OR8B2: variants seen among roughly 807,000 people sequenced by gnomAD.
OR8B2 encodes the protein olfactory receptor 8B2.
For synonymous variants in OR8B2, 98 were observed against 138.2 expected, an observed-to-expected ratio of 0.71 and a Z score of 2.04; for missense variants, 304 against 379.6, an observed-to-expected ratio of 0.80 and a Z score of 1.65.
intron 1 of OR8B2, among the ~76,000 whole-genome samples, 158 bp from the exon 2 acceptor site, chr11:124,383,518 T>G (rs1013485127): frequency 2.0e-5 from 3 of 152,260 alleles, no homozygotes; most frequent in African/African-American, 7.2e-5. Context: ...CCTCAACATT[T>G]CAGTCAGTGT....
At chr11:124,386,404 C>T (rs1353907235), upstream of OR8B2, among the ~76,000 whole-genome samples, 1 of 102,584 alleles carries the variant, frequency 9.7e-6, no homozygotes, top group Non-Finnish European at 1.9e-5. Context: ...CTATCCCTCC[C>T]CCCTCCCCCC....
At chr11:124,396,291 TAAGAC>T in the OR8B2 span, 1 of 911,690 alleles carries the variant, frequency 1.1e-6, no homozygotes, top group Non-Finnish European at 1.6e-6. Context: ...AGAGAAATGA[TAAGAC>T]AAGTTTATTA....
In OR8B2 at chr11:124,383,164, G is replaced by A. The variant is rs201727613; in HGVS notation, c.180C>T (p.Tyr60=). The change falls in exon 2 of 2, where the codon TAC becomes TAT. Residue 60 remains tyrosine (Y), a synonymous_variant. Coordinates refer to ENST00000641451, the MANE Select transcript of OR8B2 (RefSeq NM_001005468.2). ...GLNSHLHTPM[Y]YFLFNLSFID... ...TGAAGGAGAGATTGAAGAGGAAATA[G>A]TACATTGGTGTGTGGAGGTGAGAAT... 1.9e-6 allele frequency: 3 copies of A among 1,613,936 alleles called. No homozygotes were observed. In the South Asian group the frequency reaches 3.3e-5, roughly 18 times the overall value.
In OR8B2 at chr11:124,382,458, C is replaced by A. The variant is rs1565346009; in HGVS notation, c.886G>T (p.Val296Phe). The change falls in exon 2 of 2, where the codon GTC becomes TTC. Residue 296 changes from valine (V) to phenylalanine (F), a missense_variant. Val to Phe is a conservative substitution (Grantham distance 50, BLOSUM62 -1). Coordinates refer to ENST00000641451, the MANE Select transcript of OR8B2 (RefSeq NM_001005468.2). Reference sequence around the variant, plus strand: ...AGAGCTTTCCTCAGTGCAACTTTGACATCCTTGTTCCTCAAACTGTAGATG... The same window carrying A: ...AGAGCTTTCCTCAGTGCAACTTTGAAATCCTTGTTCCTCAAACTGTAGATG... The part of the protein sequence containing the change: ...PLIYSLRNKD[V>F]KVALRKALIK... The A allele has an allele frequency of 6.2e-7, 1 of 1,613,588 alleles. No homozygotes were observed.
the OR8B2 span, among the ~76,000 whole-genome samples, chr11:124,391,912 C>G: frequency 6.9e-6 from 1 of 144,806 alleles, no homozygotes; most frequent in South Asian, 2.3e-4. Context: ...AGCTTATCCA[C>G]CATGATCAAG....
the OR8B2 span, chr11:124,396,805 G>T: frequency 1.2e-6 from 2 of 1,610,718 alleles, no homozygotes; most frequent in Non-Finnish European, 1.7e-6. Context: ...TGGAGGAGGG[G>T]GAGTATGTCA....
At position 124,382,819 on chromosome 11, in the gene OR8B2, G is replaced by T. The variant is rs1186013459; in HGVS notation, c.525C>A (p.Asn175Lys). The change falls in exon 2 of 2, where the codon AAC becomes AAA. Residue 175 changes from asparagine to lysine, a missense_variant. Physicochemically the swap from Asn to Lys is moderately conservative, Grantham distance 94 (BLOSUM62 0). Coordinates refer to ENST00000641451, the MANE Select transcript of OR8B2 (RefSeq NM_001005468.2). ...GGGGGAGTATGTCACACAAGTAATG[G>T]TTGATGATATTAGCACTGCAGAAGG... ...RLTFCSANIINHYLCDILPLL... is the reference protein window; with the variant it reads ...RLTFCSANIIKHYLCDILPLL... 11 of 1,605,078 alleles carry T rather than the reference G, an allele frequency of 6.9e-6. No individual in the cohort carries two copies. Among genetic ancestry groups the T allele is most frequent in the Non-Finnish European group, 9.4e-6 (11 of 1,172,870 alleles).
At chr11:124,386,251 A>AT (rs756263467), upstream of OR8B2, among the ~76,000 whole-genome samples, 2 of 146,082 alleles carry the variant, frequency 1.4e-5, no homozygotes, top group East Asian at 2.0e-4. Context: ...GATTTGCTTC[A>AT]TTTTTTTATT....
At chr11:124,393,453 G>T in the OR8B2 span, among the ~76,000 whole-genome samples, 1 of 140,434 alleles carries the variant, frequency 7.1e-6, no homozygotes, top group Non-Finnish European at 1.5e-5. Context: ...GTGGGCAAAG[G>T]ATATGAACAG....
chr11:124,391,191 C>T, the OR8B2 span, among the ~76,000 whole-genome samples: 21 of 151,900 alleles, frequency 1.4e-4, no homozygotes, highest in African/African-American at 5.1e-4. Context: ...GACACCCTAA[C>T]ATCACAATTA....
At chr11:124,386,540 G>A (rs1054196109), upstream of OR8B2, among the ~76,000 whole-genome samples, 5 of 150,036 alleles carry the variant, frequency 3.3e-5, no homozygotes, top group Non-Finnish European at 7.4e-5. Flanking sequence ...AGTTTACTGA[G>A]AATGATGATT....
At chr11:124,389,182 C>A (rs1231887414), upstream of OR8B2, among the ~76,000 whole-genome samples, 5 of 152,106 alleles carry the variant, frequency 3.3e-5, no homozygotes, top group Non-Finnish European at 5.9e-5. Context: ...GAACCAGACA[C>A]CCCTATCTCA....
upstream of OR8B2, among the ~76,000 whole-genome samples, chr11:124,386,246 G>A (rs1034050376): frequency 6.7e-6 from 1 of 148,260 alleles, no homozygotes; most frequent in Non-Finnish European, 1.5e-5. Context: ...CTTCTGATTT[G>A]CTTCATTTTT....
chr11:124,393,034 A>G, the OR8B2 span, among the ~76,000 whole-genome samples: 5 of 145,628 alleles, frequency 3.4e-5, no homozygotes, highest in South Asian at 8.8e-4. Context: ...TATTTAATAA[A>G]TGGTGCTGGG....
At chr11:124,391,300 C>T in the OR8B2 span, among the ~76,000 whole-genome samples, 1 of 150,984 alleles carries the variant, frequency 6.6e-6, no homozygotes, top group Non-Finnish European at 1.5e-5. Context: ...AAAAAAAAAC[C>T]CTTCTAAAAA....
the OR8B2 span, among the ~76,000 whole-genome samples, chr11:124,392,249 G>A: frequency 9.1e-6 from 1 of 110,238 alleles, no homozygotes; most frequent in African/African-American, 4.3e-5. Context: ...CATAGTGTTG[G>A]AAGTTCTGGC....
chr11:124,385,963 C>A (rs1860693705), upstream of OR8B2, among the ~76,000 whole-genome samples: 1 of 152,110 alleles, frequency 6.6e-6, no homozygotes, highest in Non-Finnish European at 1.5e-5. Context: ...GACTTTTAAG[C>A]ATTCCATTTG....
intron 1 of OR8B2, 149 bp from the exon 2 acceptor site, chr11:124,383,509 C>G: frequency 1.4e-6 from 1 of 712,682 alleles, no homozygotes; most frequent in East Asian, 2.7e-5. Context: ...ACTCCCACTC[C>G]TCAACATTTC....
the OR8B2 span, chr11:124,397,172 G>A: frequency 1.2e-6 from 2 of 1,612,286 alleles, no homozygotes; most frequent in East Asian, 2.2e-5. Context: ...AGAGGAAATA[G>A]TACATTGGTG....
Sources: allele counts gnomAD v4.1 joint callset (sites outside exome capture counted in the v4.1 genomes callset), GRCh38; gene constraint gnomAD v4.1.1; transcripts MANE v1.5; gene names NCBI Gene and HGNC (gene_info 2026-07-23, HGNC 2026-07-21).